The following SLC38A8 variants were observed in gnomAD, a reference collection of about 807,000 sequenced individuals.
SLC38A8 encodes amino acid transporter SLC38A8.
Under a neutral mutation model 46.0 loss-of-function variants are expected in SLC38A8, and 65 were observed. That is an observed-to-expected ratio of 1.41 (90% CI 1.16 to 1.74). The LOEUF is 1.74. Among genes scored for constraint, SLC38A8 ranks in the 40% most tolerant of loss-of-function variants. SLC38A8 has a pLI of 0.00. For synonymous variants in SLC38A8, 447 were observed against 243.7 expected (o/e 1.83, Z -7.77); for missense variants, 998 against 567.9 (o/e 1.76, Z -7.70).
At chr16:84,027,709 G>C (rs555858488) in intron 6 of SLC38A8, among the ~76,000 whole-genome samples, 58 of 152,256 alleles carry the variant, frequency 3.8e-4, no homozygotes, top group Non-Finnish European at 7.8e-4. Context: ...ATCCTTCCCA[G>C]CTCTTCATCT....
intron 7 of SLC38A8, among the ~76,000 whole-genome samples, chr16:84,019,374 T>A (rs1261437633): frequency 3.9e-5 from 6 of 152,028 alleles, no homozygotes; most frequent in Admixed American, 3.9e-4. Context: ...GCACCCAGCC[T>A]CCAATATTTT....
At chr16:84,010,155 C>T (rs2084937597) in intron 10 of SLC38A8, among the ~76,000 whole-genome samples, 1 of 147,294 alleles carries the variant, frequency 6.8e-6, no homozygotes, top group Non-Finnish European at 1.5e-5. Context: ...ACTGCAGCCT[C>T]CACCTCCCGG....
chr16:84,032,759 G>C (rs1319943216), intron 4 of SLC38A8, among the ~76,000 whole-genome samples: 2 of 152,254 alleles, frequency 1.3e-5, no homozygotes, highest in Non-Finnish European at 2.9e-5. Flanking sequence ...AAGGCAGGCA[G>C]CAGAGGGAGA....
At chr16:84,020,669 G>T (rs929819634) in intron 7 of SLC38A8, among the ~76,000 whole-genome samples, 2 of 152,200 alleles carry the variant, frequency 1.3e-5, no homozygotes, top group South Asian at 4.1e-4. Flanking sequence ...GGGCACGTAG[G>T]ATAGCCTGTG....
chr16:84,020,570 G>T (rs985153694), intron 7 of SLC38A8, among the ~76,000 whole-genome samples: 1 of 152,212 alleles, frequency 6.6e-6, no homozygotes, highest in South Asian at 2.1e-4. Flanking sequence ...ACCTTCTGGG[G>T]CTGCAGCACG....
At chr16:84,033,597 C>G in intron 3 of SLC38A8, 128 bp from the exon 4 acceptor site, 3 of 1,096,924 alleles carry the variant, frequency 2.7e-6, no homozygotes, top group Non-Finnish European at 3.8e-6. Flanking sequence ...GCCCAGGGAT[C>G]AGACGACAAG....
At position 84,042,619 on chromosome 16, in the gene SLC38A8, G is replaced by T. The variant is rs1276867402; in HGVS notation, c.-71C>A. 6.5e-6 allele frequency: 1 copy of T among 154,870 alleles called. No individual in the cohort carries two copies. Among genetic ancestry groups the T allele is most frequent in the Non-Finnish European group, 1.4e-5 (1 of 69,786 alleles). 9.6% of individuals were successfully genotyped at this position (154,870 alleles called of 1,614,324 possible). A position where few individuals can be genotyped will look rare whatever the true frequency, so the allele number is the denominator to read the frequency against. On this transcript the variant is annotated 5_prime_UTR_variant, in exon 1 of 11. It adds an upstream start codon to the 5' untranslated region. Coordinates refer to ENST00000299709, the MANE Select transcript of SLC38A8 (RefSeq NM_001080442.3). ...GGGGATGGGACTCGGGCTTACTCCA[G>T]GTGGCTCAGTTGCATTTCTTGGGGC...
chr16:84,031,721 A>G, intron 5 of SLC38A8, 146 bp downstream of exon 5: 1 of 688,874 alleles, frequency 1.5e-6, no homozygotes, highest in Non-Finnish European at 2.5e-6. Context: ...CCTTGCCTTC[A>G]CCGCATCAGA....
intron 2 of SLC38A8, among the ~76,000 whole-genome samples, chr16:84,039,743 CAAAAAAAAAAAAA>C (rs56074069): frequency 1.4e-4 from 12 of 85,806 alleles, no homozygotes; most frequent in East Asian, 9.9e-4. Context: ...GTGAGACCTT[CAAAAAAAAAAAAA>C]AAAAAAAAAA....
intron 2 of SLC38A8, among the ~76,000 whole-genome samples, chr16:84,039,581 C>T (rs184347790): frequency 2.0e-5 from 3 of 152,124 alleles, no homozygotes; most frequent in Non-Finnish European, 4.4e-5. Flanking sequence ...CCCATCTCTA[C>T]TAAAATCACA....
intron 10 of SLC38A8, among the ~76,000 whole-genome samples, chr16:84,011,564 G>A (rs1383765578): frequency 1.3e-5 from 2 of 152,226 alleles, no homozygotes; most frequent in African/African-American, 2.4e-5. Context: ...CATTATCTGG[G>A]ATGGGGTGAA....
intron 6 of SLC38A8, among the ~76,000 whole-genome samples, chr16:84,025,941 A>C (rs2085159269): frequency 6.6e-6 from 1 of 152,182 alleles, no homozygotes; most frequent in African/African-American, 2.4e-5. Context: ...GCACCCCCGC[A>C]GCACTTGTGG....
chr16:84,015,601 G>A (rs1457236920), intron 9 of SLC38A8, among the ~76,000 whole-genome samples: 3 of 151,938 alleles, frequency 2.0e-5, no homozygotes, highest in Admixed American at 6.6e-5. Context: ...CTCGGTCTTC[G>A]CATCTATGGA....
chr16:84,037,957 C>T (rs1034871981), intron 2 of SLC38A8, among the ~76,000 whole-genome samples: 6 of 152,086 alleles, frequency 3.9e-5, no homozygotes, highest in Non-Finnish European at 8.8e-5. Flanking sequence ...TACAGGCACA[C>T]ACCACCACAC....
chr16:84,041,510 A>G (rs1044547052), intron 2 of SLC38A8, among the ~76,000 whole-genome samples: 2 of 152,144 alleles, frequency 1.3e-5, no homozygotes, highest in African/African-American at 4.8e-5. Context: ...ACAGGGTTTC[A>G]CCATATGGGC....
intron 2 of SLC38A8, among the ~76,000 whole-genome samples, chr16:84,037,456 C>G (rs11149617): frequency 0.59 from 90,083 of 152,162 alleles, 27,049 homozygotes; most frequent in African/African-American, 0.69. Context: ...CTCAGCGTGT[C>G]AGTGCTCAAG....
chr16:84,016,134 G>A (rs536136053), intron 9 of SLC38A8, among the ~76,000 whole-genome samples: 1 of 152,070 alleles, frequency 6.6e-6, no homozygotes, highest in African/African-American at 2.4e-5. Flanking sequence ...GGGGGCGGGG[G>A]GGGACCCCCA....
intron 7 of SLC38A8, 44 bp downstream of exon 7, chr16:84,022,731 T>C: frequency 6.7e-7 from 1 of 1,495,816 alleles, no homozygotes; most frequent in Non-Finnish European, 9.3e-7. Context: ...TTGTTTCTAC[T>C]GTCACTCCCC....
At chr16:84,024,893 C>A (rs1185045668) in intron 6 of SLC38A8, among the ~76,000 whole-genome samples, 1 of 152,128 alleles carries the variant, frequency 6.6e-6, no homozygotes, top group East Asian at 2.0e-4. Context: ...GTTGTCCAGG[C>A]TGGTCTCATA....
Sources: allele counts gnomAD v4.1 joint callset (sites outside exome capture counted in the v4.1 genomes callset), GRCh38; gene constraint gnomAD v4.1.1; transcripts MANE v1.5; gene names NCBI Gene and HGNC (gene_info 2026-07-23, HGNC 2026-07-21).